Variants in DNAI1 observed in about 807,000 individuals in gnomAD.
DNAI1 encodes the protein dynein, axonemal, intermediate polypeptide 1.
DNAI1 carries 67 observed loss-of-function variants against 92.0 expected under a neutral mutation model. The ratio of observed to expected loss-of-function variants is 0.73; its 90% CI spans 0.60 to 0.89. DNAI1 has a LOEUF of 0.89. Among genes scored for constraint, DNAI1 ranks in the 40% least tolerant of loss-of-function variants. The probability of loss-of-function intolerance (pLI) is 0.00; values close to 1 mark genes in which losing one functional copy is unlikely to be tolerated. For synonymous variants in DNAI1, 323 were observed against 319.6 expected (o/e 1.01, Z -0.11); for missense variants, 839 against 866.6 (o/e 0.97, Z 0.40).
chr9:34,459,066 C>T lies in DNAI1; in HGVS notation c.48+13C>T, dbSNP rs769873119. On this transcript the variant is annotated intron_variant, in intron 1 of 19. Coordinates refer to ENST00000242317, the MANE Select transcript of DNAI1 (RefSeq NM_012144.4). ...GCCTCATAAGCAGGTAACGTACGCA[C>T]ACCTTCCTTCTGATGACCTCTGACC... The T allele has an allele frequency of 3.7e-6, 6 of 1,613,308 alleles. No homozygotes were observed. In the South Asian group the frequency reaches 5.5e-5, roughly 15 times the overall value.
At chr9:34,520,630 C>T (rs770708686) in intron 19 of DNAI1, 28 bp from the exon 20 acceptor site, 1 of 1,547,626 alleles carries the variant, frequency 6.5e-7, no homozygotes, top group South Asian at 1.2e-5. Context: ...CACCATTCCT[C>T]CCTCATGTAT....
At chr9:34,496,953 G>C (rs1824738113) in intron 9 of DNAI1, among the ~76,000 whole-genome samples, 162 bp from the exon 10 acceptor site, 1 of 152,232 alleles carries the variant, frequency 6.6e-6, no homozygotes, top group Non-Finnish European at 1.5e-5. Flanking sequence ...GTAGTGGCAT[G>C]AGCTGGGCCT....
Position 34,491,572 on chromosome 9 carries a change from C to T in DNAI1, c.681+18C>T. 6.2e-7 allele frequency: 1 copy of T among 1,614,080 alleles called. No homozygotes were observed. Among genetic ancestry groups the T allele is most frequent in the Non-Finnish European group, 8.5e-7 (1 of 1,179,944 alleles). ...CCAATCAGGTAAGACCCTGGGCCAG[C>T]CTGAAACCTCTTACCACCCACCTCT... On this transcript the variant is annotated intron_variant, in intron 8 of 19. Coordinates refer to ENST00000242317, the MANE Select transcript of DNAI1 (RefSeq NM_012144.4).
intron 1 of DNAI1, among the ~76,000 whole-genome samples, chr9:34,469,195 A>G (rs1319538756): frequency 1.3e-5 from 2 of 152,084 alleles, no homozygotes; most frequent in African/African-American, 2.4e-5. Flanking sequence ...ATACAGGGAA[A>G]CAATTATATG....
chr9:34,514,412 A>G lies in DNAI1; in HGVS notation c.1588A>G (p.Ser530Gly), dbSNP rs1825131214. The stretch of plus-strand genomic sequence containing the variant: ...CGACCAGTGCTCTAAATCCTACTCC[A>G]GCCAATTCCTCGACACCTATGACGC... ...KIYKCSKSYS[S>G]QFLDTYDAHN... The change falls in exon 17 of 20, where the codon AGC becomes GGC. Residue 530 changes from serine (S) to glycine (G), a missense_variant. Transcript: ENST00000242317. The G allele has an allele frequency of 6.2e-6, 10 of 1,614,028 alleles. No individual in the cohort carries two copies. Among genetic ancestry groups the G allele is most frequent in the Non-Finnish European group, 8.5e-6 (10 of 1,180,042 alleles).
intron 19 of DNAI1, among the ~76,000 whole-genome samples, chr9:34,519,508 A>G (rs1825226806): frequency 6.6e-6 from 1 of 152,128 alleles, no homozygotes; most frequent in Non-Finnish European, 1.5e-5. Context: ...AGAGAGAGAA[A>G]AAGAGCTTTT....
rs1253790395 is a variant in DNAI1, at chr9:34,468,004, T to A, written c.48+8951T>A. Among the ~76,000 whole-genome samples, 3 of 152,208 alleles carry A rather than the reference T, an allele frequency of 2.0e-5. No homozygotes were observed. The East Asian group carries it at 5.8e-4, about 29-fold the overall frequency. The stretch of plus-strand genomic sequence containing the variant: ...GTCTTTAAAGCAGCTGTTATAAATA[T>A]ATTTATGGACATAAAGGAAATATTG... On this transcript the variant is annotated intron_variant, in intron 1 of 19. Transcript: ENST00000242317.
chr9:34,472,228 C>CA (rs551117458), intron 1 of DNAI1, among the ~76,000 whole-genome samples: 9 of 152,210 alleles, frequency 5.9e-5, no homozygotes, highest in Non-Finnish European at 1.2e-4. Flanking sequence ...ATTTTATACT[C>CA]ACAGCAATTC....
intron 12 of DNAI1, among the ~76,000 whole-genome samples, chr9:34,501,734 C>T (rs112744903): frequency 4.6e-5 from 7 of 152,132 alleles, no homozygotes; most frequent in South Asian, 2.1e-4. Context: ...GGAGACCCCC[C>T]CTTCCTGCCT....
chr9:34,517,710 T>C (rs961302314), intron 19 of DNAI1, among the ~76,000 whole-genome samples: 47 of 152,198 alleles, frequency 3.1e-4, no homozygotes, highest in African/African-American at 1.1e-3. Flanking sequence ...AGACATCCAA[T>C]GAGCAGGTGG....
At chr9:34,463,408 G>A (rs890771359) in intron 1 of DNAI1, among the ~76,000 whole-genome samples, 5 of 152,216 alleles carry the variant, frequency 3.3e-5, no homozygotes, top group African/African-American at 9.7e-5. Flanking sequence ...ATGCTTGAAT[G>A]TCAGGAACCA....
intron 18 of DNAI1, among the ~76,000 whole-genome samples, chr9:34,516,371 G>A (rs752510302): frequency 1.3e-5 from 2 of 152,214 alleles, no homozygotes; most frequent in African/African-American, 2.4e-5. Context: ...AGGATGGATT[G>A]TAACAAGGCA....
intron 11 of DNAI1, 133 bp from the exon 12 acceptor site, chr9:34,501,005 C>CA: frequency 1.0e-6 from 1 of 986,806 alleles, no homozygotes; most frequent in Non-Finnish European, 1.6e-6. Flanking sequence ...CCAGGACTCC[C>CA]AAGTGGTGAG....
chr9:34,465,310 C>A (rs1434268425), intron 1 of DNAI1, among the ~76,000 whole-genome samples: 2 of 152,122 alleles, frequency 1.3e-5, no homozygotes, highest in Non-Finnish European at 2.9e-5. Flanking sequence ...AGAGCCAAGT[C>A]TCTGAGGAGA....
At chr9:34,474,709 C>T (rs928152823) in intron 1 of DNAI1, among the ~76,000 whole-genome samples, 3 of 151,714 alleles carry the variant, frequency 2.0e-5, no homozygotes, top group African/African-American at 7.3e-5. Flanking sequence ...GCTGGGATTA[C>T]GAGCATGTGC....
chr9:34,483,770 T>A (rs1378270733), intron 2 of DNAI1, among the ~76,000 whole-genome samples: 1 of 152,218 alleles, frequency 6.6e-6, no homozygotes, highest in Non-Finnish European at 1.5e-5. Flanking sequence ...TTTTATAACA[T>A]GTTTTTCACA....
intron 10 of DNAI1, among the ~76,000 whole-genome samples, chr9:34,498,442 G>A (rs865985038): frequency 5.3e-5 from 8 of 152,288 alleles, no homozygotes; most frequent in South Asian, 2.1e-4. Context: ...TAAGCACTTC[G>A]CCGCTAGGCT....
At chr9:34,490,153 C>T (rs757444511) in intron 6 of DNAI1, 29 bp downstream of exon 6, 1 of 1,613,576 alleles carries the variant, frequency 6.2e-7, no homozygotes, top group South Asian at 1.1e-5. Flanking sequence ...CTGTGTCCCT[C>T]TTCTTCCAGC....
In DNAI1 at chr9:34,489,328, C is replaced by T; in HGVS notation, c.267C>T (p.Gly89=). 1.9e-6 allele frequency: 3 copies of T among 1,614,016 alleles called. No homozygotes were observed. Among genetic ancestry groups the T allele is most frequent in the Non-Finnish European group, 2.5e-6 (3 of 1,179,938 alleles). ...QNIVRYSFKE[G]TYKPIGFVNQ... is the part of the protein sequence containing the mutation. The stretch of plus-strand genomic sequence containing the variant: ...CTCAGCCCCTCTCTTCTTAGGAAGG[C>T]ACATATAAGCCTATTGGCTTTGTGA... The change falls in exon 5 of 20, where the codon GGC becomes GGT. Residue 89 remains glycine (G), a synonymous_variant. Transcript: ENST00000242317.
Sources: gnomAD v4.1 joint callset for allele counts (sites outside exome capture counted in the v4.1 genomes callset) on GRCh38, gnomAD v4.1.1 for gene constraint, MANE v1.5 for transcripts, NCBI Gene and HGNC (gene_info 2026-07-23, HGNC 2026-07-21) for gene names.